OPN4: variants seen among roughly 807,000 people sequenced by gnomAD.
The protein encoded by OPN4 is melanopsin.
Under a neutral mutation model 49.5 loss-of-function variants are expected in OPN4, and 43 were observed. The ratio of observed to expected loss-of-function variants is 0.87; its 90% CI spans 0.68 to 1.12. The LOEUF (loss-of-function observed/expected upper bound fraction) is 1.12, where lower values mean the gene tolerates loss of function less well. Among genes scored for constraint, OPN4 ranks in the 50% most tolerant of loss-of-function variants. The probability of loss-of-function intolerance (pLI) is 0.00; values close to 1 mark genes in which losing one functional copy is unlikely to be tolerated. For synonymous variants in OPN4, 263 were observed against 258.0 expected (o/e 1.02, Z -0.19); for missense variants, 657 against 643.9 (o/e 1.02, Z -0.22).
At chr10:86,661,484 G>A (rs1288482342) in intron 7 of OPN4, 96 bp downstream of exon 7, 8 of 880,398 alleles carry the variant, frequency 9.1e-6, no homozygotes, top group East Asian at 2.6e-5. Flanking sequence ...TCGTGTGTGT[G>A]TAGAATGGGG....
chr10:86,658,699 G>T lies in OPN4; in HGVS notation c.628+12G>T. On this transcript the variant is annotated intron_variant, in intron 4 of 9. Coordinates refer to ENST00000241891, the MANE Select transcript of OPN4 (RefSeq NM_033282.4). ...CTTCTTCGGCTGGAGTAAGTGGGCTGCTGGAACTGGAAGGGGGGCAGATGG... is the reference window on the plus strand; with the variant it reads ...CTTCTTCGGCTGGAGTAAGTGGGCTTCTGGAACTGGAAGGGGGGCAGATGG... 6.2e-7 allele frequency: 1 copy of T among 1,609,362 alleles called. No homozygotes were observed. Among genetic ancestry groups the T allele is most frequent in the Non-Finnish European group, 8.5e-7 (1 of 1,179,832 alleles).
chr10:86,664,641 A>G (rs1480168615), intron 9 of OPN4, among the ~76,000 whole-genome samples: 3 of 152,170 alleles, frequency 2.0e-5, no homozygotes, highest in Non-Finnish European at 2.9e-5. Flanking sequence ...CCAAAGGCAC[A>G]TTCCTGCCTG....
intron 1 of OPN4, 102 bp downstream of exon 1, chr10:86,655,029 C>T (rs1200375853): frequency 1.0e-4 from 128 of 1,224,596 alleles, no homozygotes; most frequent in Non-Finnish European, 1.4e-4. Context: ...TAGAAAAGGT[C>T]TGAACTCTGC....
intron 9 of OPN4, among the ~76,000 whole-genome samples, 189 bp from the exon 10 acceptor site, chr10:86,665,524 C>T (rs541132613): frequency 1.4e-4 from 22 of 152,106 alleles, no homozygotes; most frequent in Non-Finnish European, 2.5e-4. Flanking sequence ...CTGTAGGCAG[C>T]GTTAGGCGTT....
At chr10:86,663,507 T>A (rs972787942) in intron 8 of OPN4, 152 bp from the exon 9 acceptor site, 2 of 654,490 alleles carry the variant, frequency 3.1e-6, no homozygotes, top group Non-Finnish European at 4.7e-6. Context: ...TTACGGGGTT[T>A]ATTTGGTGAC....
chr10:86,660,262 C>A (rs1267978528), intron 6 of OPN4, among the ~76,000 whole-genome samples: 1 of 152,230 alleles, frequency 6.6e-6, no homozygotes, highest in Non-Finnish European at 1.5e-5. Context: ...AGCACCAGGG[C>A]ACATGCAGAG....
chr10:86,658,374 G>A, intron 3 of OPN4, 110 bp from the exon 4 acceptor site: 1 of 1,296,744 alleles, frequency 7.7e-7, no homozygotes, highest in Non-Finnish European at 1.1e-6. Flanking sequence ...CAGGTGGAGG[G>A]GGTGGAGTGC....
At chr10:86,655,719 C>T (rs34673439) in intron 1 of OPN4, among the ~76,000 whole-genome samples, 10,784 of 152,242 alleles carry the variant, frequency 0.071, 483 homozygotes, top group Admixed American at 0.14. Context: ...TTGAGAGGGG[C>T]TCCACCCGAC....
At chr10:86,659,237 C>G in intron 4 of OPN4, 60 bp from the exon 5 acceptor site, 2 of 1,374,834 alleles carry the variant, frequency 1.5e-6, no homozygotes, top group Non-Finnish European at 2.0e-6. Flanking sequence ...AAAGCTCCTG[C>G]CAGATAAGGA....
intron 4 of OPN4, 83 bp downstream of exon 4, chr10:86,658,770 C>T: frequency 1.3e-6 from 2 of 1,483,572 alleles, no homozygotes; most frequent in Non-Finnish European, 1.8e-6. Flanking sequence ...CTTGGGTCAG[C>T]CAGCTGGCGG....
rs748990991 is a variant in OPN4 at position 86,656,223 on chromosome 10, T to C, written c.213T>C (p.Tyr71=). Residue 71 remains tyrosine, a synonymous_variant, in exon 2 of 10, where the codon TAT becomes TAC. Coordinates refer to ENST00000241891, the MANE Select transcript of OPN4 (RefSeq NM_033282.4). ...PTVDVPDHAH[Y]TLGTVILLVG... Reference sequence around the variant, plus strand: ...TTGATGTTCCAGACCATGCCCACTATACCCTGGGCACAGTGATCTTGCTGG... The same window carrying C: ...TTGATGTTCCAGACCATGCCCACTACACCCTGGGCACAGTGATCTTGCTGG... 17 of 1,614,016 alleles carry C rather than the reference T, an allele frequency of 1.1e-5. No individual in the cohort carries two copies. In the Admixed American group the frequency reaches 2.2e-4, roughly 21 times the overall value.
rs757071688 is a variant in OPN4 at position 86,663,737 on chromosome 10, C to T, written c.1333C>T (p.Leu445=). ...ANGRSLYGQG[L]EDLEAKAPPR... is the part of the protein sequence containing the mutation. ...TGGGCGGTCCCTCTACGGTCAGGGTCTGGAGGACTTGGAAGCCAAGGCACC... is the reference window on the plus strand; with the variant it reads ...TGGGCGGTCCCTCTACGGTCAGGGTTTGGAGGACTTGGAAGCCAAGGCACC... Residue 445 remains leucine (L), a synonymous_variant, in exon 9 of 10, where the codon CTG becomes TTG. Transcript: ENST00000241891. The T allele has an allele frequency of 5.7e-6, 9 of 1,577,532 alleles. No individual in the cohort carries two copies. In the Admixed American group the frequency reaches 7.3e-5, roughly 13 times the overall value.
chr10:86,657,257 G>T, intron 2 of OPN4: 1 of 779,426 alleles, frequency 1.3e-6, no homozygotes, highest in Non-Finnish European at 2.4e-6. Flanking sequence ...TTGCCCCACA[G>T]ATGAGCCACT....
rs760158575 is a variant in OPN4 at position 86,659,947 on chromosome 10, C to T, written c.853C>T (p.Arg285Trp). 1.7e-5 allele frequency: 27 copies of T among 1,613,996 alleles called. No individual in the cohort carries two copies. Among genetic ancestry groups the T allele is most frequent in the Admixed American group, 6.7e-5 (4 of 60,002 alleles). Residue 285 changes from arginine (R) to tryptophan (W), a missense_variant, in exon 6 of 10, where the codon CGG becomes TGG. Arg to Trp is a moderately radical substitution (Grantham distance 101). Coordinates refer to ENST00000241891, the MANE Select transcript of OPN4 (RefSeq NM_033282.4). ...CKGNGESLWQ[R>W]QRLQSECKMA... ...GGGCAATGGCGAGTCCCTGTGGCAG[C>T]GGCAGCGGCTGCAGAGCGAGTGCAA... is the stretch of plus-strand genomic sequence containing the variant.
At chr10:86,655,778 G>A (rs12257301) in intron 1 of OPN4, among the ~76,000 whole-genome samples, 10,219 of 152,204 alleles carry the variant, frequency 0.067, 1,104 homozygotes, top group African/African-American at 0.23. Flanking sequence ...GGGCCCTTGG[G>A]CTGGAGTCCA....
intron 8 of OPN4, among the ~76,000 whole-genome samples, chr10:86,663,144 C>T (rs1191887678): frequency 4.6e-5 from 7 of 152,204 alleles, no homozygotes; most frequent in Admixed American, 3.3e-4. Context: ...CGTGCGCCAC[C>T]GGCTCCTGTT....
intron 8 of OPN4, among the ~76,000 whole-genome samples, chr10:86,663,012 C>T (rs1006096525): frequency 6.6e-6 from 1 of 152,268 alleles, no homozygotes; most frequent in Non-Finnish European, 1.5e-5. Context: ...CAGATCAACG[C>T]TGTCCAGGTG....
Position 86,662,312 on chromosome 10 carries a change from C to T in OPN4, c.1134C>T (p.His378=). 3 of 1,607,656 alleles carry T rather than the reference C, an allele frequency of 1.9e-6. No homozygotes were observed. The highest frequency in any genetic ancestry group is 2.5e-6 in the Non-Finnish European group (3 of 1,178,462). ...TGCTGCTGGGTGTATCACGCCGGCA[C>T]AGTCGCCCCTACCCCAGCTACCGCT... The part of the protein sequence containing the change: ...LGVLLGVSRR[H]SRPYPSYRST... The change falls in exon 8 of 10, where the codon CAC becomes CAT. Residue 378 remains histidine (H), a synonymous_variant. Coordinates refer to ENST00000241891, the MANE Select transcript of OPN4 (RefSeq NM_033282.4).
At chr10:86,661,114 C>CA (rs61612272) in intron 6 of OPN4, among the ~76,000 whole-genome samples, 167 bp from the exon 7 acceptor site, 51,881 of 146,384 alleles carry the variant, frequency 0.35, 9,069 homozygotes, top group South Asian at 0.46. Flanking sequence ...GGCGACAGAG[C>CA]AAAAAAAAAA....
Sources: gnomAD v4.1 joint callset for allele counts (sites outside exome capture counted in the v4.1 genomes callset) on GRCh38, gnomAD v4.1.1 for gene constraint, MANE v1.5 for transcripts, NCBI Gene and HGNC (gene_info 2026-07-23, HGNC 2026-07-21) for gene names.